The following CLSTN2 variants were observed in gnomAD, a reference collection of about 807,000 sequenced individuals.
The protein encoded by CLSTN2 is calsyntenin-2.
CLSTN2 carries 48 observed loss-of-function variants against 101.2 expected under a neutral mutation model. The observed-to-expected ratio is 0.47, with a 90% CI of 0.38 to 0.60. CLSTN2 has a LOEUF of 0.60. CLSTN2 is among the 20% of genes least tolerant of loss of function. CLSTN2 has a pLI of 0.00. For synonymous variants in CLSTN2, 481 were observed against 463.6 expected (o/e 1.04, Z -0.48); for missense variants, 1,160 against 1,238.2 (o/e 0.94, Z 0.95).
chr3:140,182,061 A>G (rs1398329365), intron 2 of CLSTN2, among the ~76,000 whole-genome samples: 1 of 152,226 alleles, frequency 6.6e-6, no homozygotes, highest in Non-Finnish European at 1.5e-5. Flanking sequence ...AGAAAGGTGC[A>G]GCTTGGGAAG....
chr3:140,505,426 G>T (rs1313959869), intron 8 of CLSTN2, among the ~76,000 whole-genome samples: 1 of 152,170 alleles, frequency 6.6e-6, no homozygotes, highest in East Asian at 1.9e-4. Flanking sequence ...GCAGCCATGT[G>T]GTTGAAGGAG....
chr3:140,065,510 A>G (rs899158381), intron 1 of CLSTN2, among the ~76,000 whole-genome samples: 4 of 152,206 alleles, frequency 2.6e-5, no homozygotes, highest in Non-Finnish European at 5.9e-5. Flanking sequence ...TATTGTGTTG[A>G]AAACTTCACA....
intron 5 of CLSTN2, among the ~76,000 whole-genome samples, chr3:140,428,627 A>G (rs928606734): frequency 2.0e-5 from 3 of 152,330 alleles, no homozygotes; most frequent in Non-Finnish European, 2.9e-5. Flanking sequence ...CACCTTGCTC[A>G]GCAGCAATTC....
chr3:140,037,352 T>C (rs1046790187), intron 1 of CLSTN2, among the ~76,000 whole-genome samples: 2 of 152,158 alleles, frequency 1.3e-5, no homozygotes, highest in Non-Finnish European at 2.9e-5. Context: ...TTTTTTCCCC[T>C]AATCAATTGG....
chr3:139,943,225 C>T (rs542132302), intron 1 of CLSTN2, among the ~76,000 whole-genome samples: 94 of 152,296 alleles, frequency 6.2e-4, no homozygotes, highest in African/African-American at 2.2e-3. Flanking sequence ...ACAACCCATC[C>T]TTCCTCATGT....
intron 2 of CLSTN2, among the ~76,000 whole-genome samples, chr3:140,179,539 A>G (rs2010373995): frequency 1.5e-5 from 2 of 137,480 alleles, no homozygotes; most frequent in South Asian, 2.5e-4. Flanking sequence ...AGGCTCAGGT[A>G]GGAGGATCAA....
At chr3:140,509,276 A>G (rs1006669525) in intron 8 of CLSTN2, among the ~76,000 whole-genome samples, 4 of 152,176 alleles carry the variant, frequency 2.6e-5, no homozygotes, top group Admixed American at 2.6e-4. Flanking sequence ...ACCTTAGCAT[A>G]TTATAGTCTC....
intron 8 of CLSTN2, among the ~76,000 whole-genome samples, chr3:140,479,867 A>G (rs566526329): frequency 3.4e-4 from 52 of 152,338 alleles, no homozygotes; most frequent in African/African-American, 1.2e-3. Flanking sequence ...AAGATCAGCA[A>G]GCCCCAAGCC....
intron 4 of CLSTN2, among the ~76,000 whole-genome samples, chr3:140,407,752 G>A (rs976091797): frequency 6.6e-6 from 1 of 152,186 alleles, no homozygotes; most frequent in Admixed American, 6.5e-5. Context: ...GTTTTTCTGA[G>A]ATAAGTAGAG....
At chr3:140,328,646 C>A (rs1032242740) in intron 2 of CLSTN2, among the ~76,000 whole-genome samples, 48 of 152,120 alleles carry the variant, frequency 3.2e-4, no homozygotes, top group Admixed American at 2.9e-3. Flanking sequence ...CTGATGAGAA[C>A]CAATCTAGTA....
intron 1 of CLSTN2, among the ~76,000 whole-genome samples, chr3:140,051,817 G>T (rs971461131): frequency 6.6e-6 from 1 of 152,196 alleles, no homozygotes. Context: ...CAGCCACAAA[G>T]CACTACACCT....
At position 140,330,796 on chromosome 3, in the gene CLSTN2, C is replaced by T. The variant is rs79421713; in HGVS notation, c.233-72833C>T. On this transcript the variant is annotated intron_variant, in intron 2 of 16. Transcript: ENST00000458420. ...TACCACTTGTTCTGTGCACATCTAA[C>T]CTGGACTTGCAAGGTGAGAGCATTG... Among the ~76,000 whole-genome samples, 750 of 152,288 alleles carry T rather than the reference C, an allele frequency of 4.9e-3. 3 individuals are homozygous for T. Among genetic ancestry groups the T allele is most frequent in the African/African-American group, 0.017 (698 of 41,546 alleles).
intron 5 of CLSTN2, among the ~76,000 whole-genome samples, chr3:140,427,304 A>G (rs1392425184): frequency 6.6e-6 from 1 of 150,488 alleles, no homozygotes; most frequent in East Asian, 1.9e-4. Context: ...AATAGTAGAT[A>G]GACTCAGTGG....
chr3:140,242,028 C>T (rs2086473605), intron 2 of CLSTN2, among the ~76,000 whole-genome samples: 2 of 151,908 alleles, frequency 1.3e-5, no homozygotes, highest in South Asian at 4.2e-4. Flanking sequence ...CTGCCTCAGC[C>T]TCCTGAGTAG....
At chr3:140,015,855 C>T (rs2007189885) in intron 1 of CLSTN2, among the ~76,000 whole-genome samples, 2 of 152,262 alleles carry the variant, frequency 1.3e-5, no homozygotes, top group Non-Finnish European at 2.9e-5. Context: ...CTCCACCTTT[C>T]TGACCACTTT....
At chr3:140,324,879 C>T (rs943702856) in intron 2 of CLSTN2, among the ~76,000 whole-genome samples, 3 of 152,102 alleles carry the variant, frequency 2.0e-5, no homozygotes, top group African/African-American at 7.2e-5. Context: ...AGTGATATTG[C>T]CATGATGGTG....
At chr3:139,959,554 T>A (rs987096693) in intron 1 of CLSTN2, among the ~76,000 whole-genome samples, 3 of 152,170 alleles carry the variant, frequency 2.0e-5, no homozygotes, top group Non-Finnish European at 4.4e-5. Flanking sequence ...GGGTCTCTAG[T>A]ATTTGACAGT....
chr3:139,947,480 G>A (rs1426545862), intron 1 of CLSTN2, among the ~76,000 whole-genome samples: 1 of 152,168 alleles, frequency 6.6e-6, no homozygotes, highest in Non-Finnish European at 1.5e-5. Flanking sequence ...AAAGATGCTG[G>A]AGAGTGAGAA....
At chr3:140,328,994 C>T (rs7630996) in intron 2 of CLSTN2, among the ~76,000 whole-genome samples, 65,004 of 152,042 alleles carry the variant, frequency 0.43, 14,724 homozygotes, top group Non-Finnish European at 0.51. Flanking sequence ...CTTGGTTTCT[C>T]TATCAATTTG....
Sources: gnomAD v4.1 joint callset for allele counts (sites outside exome capture counted in the v4.1 genomes callset) on GRCh38, gnomAD v4.1.1 for gene constraint, MANE v1.5 for transcripts, NCBI Gene and HGNC (gene_info 2026-07-23, HGNC 2026-07-21) for gene names.